DLG2: variants seen among roughly 807,000 people sequenced by gnomAD.
DLG2 encodes the protein discs large MAGUK scaffold protein 2, also known as disks large homolog 2.
In DLG2, 45 loss-of-function variants were observed where a neutral mutation model predicts 132.5. The ratio of observed to expected loss-of-function variants is 0.34; its 90% CI spans 0.27 to 0.44. The LOEUF (loss-of-function observed/expected upper bound fraction) is 0.44, where lower values mean the gene tolerates loss of function less well. Ranked by LOEUF, DLG2 falls within the 20% of genes least tolerant of loss-of-function variation. The pLI is 1.00. For missense variants in DLG2, 1,045 were observed against 1,196.9 expected, an observed-to-expected ratio of 0.87 and a Z score of 1.87; for synonymous variants, 424 against 419.6, an observed-to-expected ratio of 1.01 and a Z score of -0.13.
At chr11:83,981,967 A>G (rs1236059317) in intron 11 of DLG2, among the ~76,000 whole-genome samples, 2 of 152,194 alleles carry the variant, frequency 1.3e-5, no homozygotes, top group Non-Finnish European at 2.9e-5. Context: ...GATGGGCCCA[A>G]AAGATTATAA....
chr11:85,510,334 C>T (rs1349884205), intron 3 of DLG2, among the ~76,000 whole-genome samples: 2 of 151,924 alleles, frequency 1.3e-5, no homozygotes, highest in East Asian at 1.9e-4. Context: ...TACAAAACAC[C>T]AAAAGCAATG....
intron 6 of DLG2, among the ~76,000 whole-genome samples, chr11:85,053,904 A>G (rs1309479143): frequency 6.6e-6 from 1 of 152,092 alleles, no homozygotes; most frequent in Non-Finnish European, 1.5e-5. Context: ...TAACTAATGA[A>G]ATAGTGATTC....
chr11:83,627,847 A>C (rs558029470), intron 19 of DLG2, among the ~76,000 whole-genome samples: 34 of 152,078 alleles, frequency 2.2e-4, no homozygotes, highest in East Asian at 5.8e-4. Flanking sequence ...AAAAGTGTTC[A>C]TATTTCTCCA....
chr11:85,535,267 AT>A (rs1222370645), intron 3 of DLG2, among the ~76,000 whole-genome samples: 1 of 152,148 alleles, frequency 6.6e-6, no homozygotes, highest in Non-Finnish European at 1.5e-5. Context: ...GAAAAAAATA[AT>A]TTCAAACATT....
At chr11:84,670,612 C>A (rs1215611416) in intron 6 of DLG2, among the ~76,000 whole-genome samples, 2 of 152,112 alleles carry the variant, frequency 1.3e-5, no homozygotes, top group Admixed American at 6.6e-5. Context: ...CAATACAAAC[C>A]ACTATTGATT....
intron 6 of DLG2, among the ~76,000 whole-genome samples, chr11:84,543,531 C>T (rs2099383480): frequency 6.6e-6 from 1 of 152,154 alleles, no homozygotes; most frequent in Admixed American, 6.5e-5. Flanking sequence ...CCGTCCCCGC[C>T]CCTCTCCCCA....
At chr11:85,344,086 T>A (rs1409879470) in intron 3 of DLG2, among the ~76,000 whole-genome samples, 1 of 152,200 alleles carries the variant, frequency 6.6e-6, no homozygotes, top group East Asian at 1.9e-4. Context: ...CTGATTCTAG[T>A]TCTCCCCCCA....
intron 6 of DLG2, among the ~76,000 whole-genome samples, chr11:84,568,568 A>T (rs896909592): frequency 6.6e-6 from 1 of 152,172 alleles, no homozygotes; most frequent in African/African-American, 2.4e-5. Context: ...TCACCTTCAG[A>T]AGCATGTTGG....
At chr11:83,662,571 C>A (rs1440508038) in intron 18 of DLG2, among the ~76,000 whole-genome samples, 1 of 152,150 alleles carries the variant, frequency 6.6e-6, no homozygotes, top group Admixed American at 6.5e-5. Flanking sequence ...GAATCTCCAA[C>A]AATTAAATGT....
chr11:83,850,958 C>T (rs1002951044), intron 16 of DLG2, among the ~76,000 whole-genome samples: 8 of 152,064 alleles, frequency 5.3e-5, no homozygotes, highest in African/African-American at 1.9e-4. Context: ...GGGCAGATCA[C>T]GAGGTCAGGA....
intron 4 of DLG2, among the ~76,000 whole-genome samples, chr11:85,190,286 G>T (rs906096275): frequency 1.3e-5 from 2 of 152,162 alleles, no homozygotes; most frequent in African/African-American, 4.8e-5. Flanking sequence ...GGTCAGAATA[G>T]CTCGGACTAA....
chr11:85,311,205 C>T (rs956586689), intron 3 of DLG2, among the ~76,000 whole-genome samples: 5 of 152,144 alleles, frequency 3.3e-5, no homozygotes, highest in Non-Finnish European at 2.9e-5. Flanking sequence ...TCATCTATAT[C>T]GATGTTGTCC....
intron 6 of DLG2, among the ~76,000 whole-genome samples, chr11:84,821,903 G>A (rs1037055664): frequency 1.3e-5 from 2 of 151,622 alleles, no homozygotes; most frequent in Non-Finnish European, 3.0e-5. Flanking sequence ...TATCAAACAA[G>A]AAACAAGCAG....
intron 18 of DLG2, among the ~76,000 whole-genome samples, chr11:83,646,021 A>G (rs543948723): frequency 1.3e-5 from 2 of 152,230 alleles, no homozygotes; most frequent in East Asian, 1.9e-4. Context: ...CTATAACTCA[A>G]TTTAAGAAAT....
intron 25 of DLG2, among the ~76,000 whole-genome samples, chr11:83,467,823 A>G (rs1441766359): frequency 8.7e-6 from 1 of 114,666 alleles, no homozygotes; most frequent in Non-Finnish European, 1.7e-5. Flanking sequence ...ACACACACAT[A>G]TAAAATATAT....
At chr11:83,866,643 C>A (rs2062437718) in intron 16 of DLG2, among the ~76,000 whole-genome samples, 2 of 152,090 alleles carry the variant, frequency 1.3e-5, no homozygotes, top group South Asian at 4.1e-4. Flanking sequence ...ACATTGAGAC[C>A]ATTTTTAAAC....
chr11:85,402,160 C>G (rs2088201334), intron 3 of DLG2, among the ~76,000 whole-genome samples: 1 of 152,100 alleles, frequency 6.6e-6, no homozygotes, highest in African/African-American at 2.4e-5. Flanking sequence ...ACCAATGGAA[C>G]AGAACAGAGA....
At chr11:85,061,883 G>A (rs755865397) in intron 6 of DLG2, among the ~76,000 whole-genome samples, 5 of 151,780 alleles carry the variant, frequency 3.3e-5, no homozygotes, top group Non-Finnish European at 5.9e-5. Context: ...ATTCTATCTT[G>A]CACAATTCAG....
At chr11:85,589,915 T>C (rs555652143) in intron 3 of DLG2, among the ~76,000 whole-genome samples, 2 of 152,272 alleles carry the variant, frequency 1.3e-5, no homozygotes, top group South Asian at 2.1e-4. Context: ...TCAAAATTAT[T>C]GTAAAAATCA....
Sources: gnomAD v4.1 joint callset for allele counts (sites outside exome capture counted in the v4.1 genomes callset) on GRCh38, gnomAD v4.1.1 for gene constraint, MANE v1.5 for transcripts, NCBI Gene and HGNC (gene_info 2026-07-23, HGNC 2026-07-21) for gene names.